NAA40: variants seen among roughly 807,000 people sequenced by gnomAD.
NAA40 encodes N-alpha-acetyltransferase 40, NatD catalytic subunit.
In NAA40, 26 loss-of-function variants were observed where a neutral mutation model predicts 36.6. That is an observed-to-expected ratio of 0.71 (90% CI 0.52 to 0.98). The LOEUF (loss-of-function observed/expected upper bound fraction) is 0.98, where lower values mean the gene tolerates loss of function less well. Among genes scored for constraint, NAA40 ranks in the 50% least tolerant of loss-of-function variants. The pLI, the probability that NAA40 is intolerant of heterozygous loss-of-function variation, is 0.00. For synonymous variants in NAA40, 129 were observed against 108.4 expected (o/e 1.19, Z -1.18); for missense variants, 237 against 306.5 (o/e 0.77, Z 1.69).
chr11:63,953,192 C>T (rs756440621), intron 6 of NAA40, among the ~76,000 whole-genome samples: 3 of 151,890 alleles, frequency 2.0e-5, no homozygotes, highest in South Asian at 2.1e-4. Context: ...GGATTACAGG[C>T]GCGCACTGCC....
At chr11:63,941,661 T>C (rs141704419) in intron 1 of NAA40, among the ~76,000 whole-genome samples, 2,480 of 152,204 alleles carry the variant, frequency 0.016, 68 homozygotes, top group African/African-American at 0.057. Flanking sequence ...CAAGTGATTC[T>C]CCTGCCTCAG....
intron 2 of NAA40, 155 bp from the exon 3 acceptor site, chr11:63,946,796 C>A (rs776274621): frequency 1.2e-4 from 188 of 1,550,352 alleles, no homozygotes; most frequent in Non-Finnish European, 1.6e-4. Flanking sequence ...CAGAGCTAGG[C>A]AAATGGTGGG....
At position 63,956,112 on chromosome 11, in the gene NAA40, C is replaced by T. The variant is rs1454679210; in HGVS notation, c.*1633C>T. 6.5e-6 allele frequency: 1 copy of T among 152,762 alleles called. No homozygotes were observed. Among genetic ancestry groups the T allele is most frequent in the Non-Finnish European group, 1.5e-5 (1 of 68,108 alleles). The allele number at this position is 152,762 out of a possible 1,614,324, so 9.5% of individuals were successfully genotyped here. A position where few individuals can be genotyped will look rare whatever the true frequency, so the allele number is the denominator to read the frequency against. ...CCCCTCTGCTGAGCACTTTGCGCTG[C>T]TCTTGATGGGCAGCAGTGGGACTGG... On this transcript the variant is annotated 3_prime_UTR_variant, in exon 8 of 8. Coordinates refer to ENST00000377793, the MANE Select transcript of NAA40 (RefSeq NM_024771.4).
At chr11:63,941,662 C>T (rs1942110970) in intron 1 of NAA40, among the ~76,000 whole-genome samples, 1 of 152,060 alleles carries the variant, frequency 6.6e-6, no homozygotes, top group South Asian at 2.1e-4. Flanking sequence ...AAGTGATTCT[C>T]CTGCCTCAGC....
At chr11:63,939,421 T>C in intron 1 of NAA40, 1 of 1,120,880 alleles carries the variant, frequency 8.9e-7, no homozygotes, top group Non-Finnish European at 1.1e-6. Context: ...AGCTTCCCGC[T>C]CCCCCAGGGT....
At chr11:63,953,065 T>TTTTTG (rs57573275) in intron 6 of NAA40, among the ~76,000 whole-genome samples, 1 of 150,542 alleles carries the variant, frequency 6.6e-6, no homozygotes. Flanking sequence ...TTTTTTTTTT[T>TTTTTG]GAGACAGAGT....
In NAA40 at chr11:63,939,006, G is replaced by A. The variant is rs1000931779; in HGVS notation, c.-91G>A. On this transcript the variant is annotated 5_prime_UTR_variant, in exon 1 of 8. Coordinates refer to ENST00000377793, the MANE Select transcript of NAA40 (RefSeq NM_024771.4). ...GCGCATGCGCGTTGCAGGGCCGTCCGCTCTGCTGCCGCCGCTGTTGCAGCC... is the reference window on the plus strand; with the variant it reads ...GCGCATGCGCGTTGCAGGGCCGTCCACTCTGCTGCCGCCGCTGTTGCAGCC... 63 of 1,128,188 alleles carry A rather than the reference G, an allele frequency of 5.6e-5. No individual in the cohort carries two copies. Among genetic ancestry groups the A allele is most frequent in the Non-Finnish European group, 7.5e-5 (59 of 788,756 alleles). 69.9% of individuals were successfully genotyped at this position (1,128,188 alleles called of 1,614,324 possible).
intron 1 of NAA40, among the ~76,000 whole-genome samples, chr11:63,941,093 C>T (rs1190150631): frequency 1.3e-5 from 2 of 152,222 alleles, no homozygotes; most frequent in African/African-American, 2.4e-5. Context: ...AGAGATTCTG[C>T]GATCCTTGCT....
rs1942344364 is a variant in NAA40 at position 63,955,185 on chromosome 11, G to A, written c.*706G>A. On this transcript the variant is annotated 3_prime_UTR_variant, in exon 8 of 8. Coordinates refer to ENST00000377793, the MANE Select transcript of NAA40 (RefSeq NM_024771.4). ...AGGTGTTCTTGGGACCCGCCATGGGGATGATTGCTTCTCTAGGCTCCTGGA... is the reference window on the plus strand; with the variant it reads ...AGGTGTTCTTGGGACCCGCCATGGGAATGATTGCTTCTCTAGGCTCCTGGA... The A allele has an allele frequency of 6.6e-6, 1 of 152,596 alleles. No individual in the cohort carries two copies. The highest frequency in any genetic ancestry group is 2.4e-5 in the African/African-American group (1 of 41,430). The allele number at this position is 152,596 out of a possible 1,614,324, so 9.5% of individuals were successfully genotyped here.
chr11:63,947,030 G>C, intron 3 of NAA40, 27 bp downstream of exon 3: 1 of 1,603,604 alleles, frequency 6.2e-7, no homozygotes, highest in Non-Finnish European at 8.5e-7. Context: ...ATTACCAACT[G>C]CTGTCTCCTC....
chr11:63,944,457 C>G (rs1942154842), intron 1 of NAA40, among the ~76,000 whole-genome samples: 1 of 152,142 alleles, frequency 6.6e-6, no homozygotes, highest in Non-Finnish European at 1.5e-5. Flanking sequence ...TGCCTGTGCT[C>G]TCTTGTTGTC....
At chr11:63,951,414 G>C (rs1222871474) in intron 3 of NAA40, among the ~76,000 whole-genome samples, 1 of 152,114 alleles carries the variant, frequency 6.6e-6, no homozygotes, top group East Asian at 1.9e-4. Flanking sequence ...CACGATCTTG[G>C]CTCACTGCAA....
rs1942350267 is a variant in NAA40 at position 63,955,546 on chromosome 11, C to A, written c.*1067C>A. ...GAGAGCCCCCAGCCAGCAGCAGGCC[C>A]CTCTGCCTGCACTCCTCAGGCTTGC... On this transcript the variant is annotated 3_prime_UTR_variant, in exon 8 of 8. Transcript: ENST00000377793. 6.5e-6 allele frequency: 1 copy of A among 152,798 alleles called. No homozygotes were observed. The highest frequency in any genetic ancestry group is 1.5e-5 in the Non-Finnish European group (1 of 68,120). The allele number at this position is 152,798 out of a possible 1,614,324, so 9.5% of individuals were successfully genotyped here.
At chr11:63,940,310 A>G (rs761556813) in intron 1 of NAA40, among the ~76,000 whole-genome samples, 8 of 152,102 alleles carry the variant, frequency 5.3e-5, no homozygotes, top group Non-Finnish European at 1.0e-4. Context: ...AGGCCTCCCA[A>G]AGTGCTGGGA....
intron 2 of NAA40, chr11:63,946,699 A>G: frequency 2.7e-6 from 4 of 1,499,032 alleles, no homozygotes; most frequent in Non-Finnish European, 3.6e-6. Flanking sequence ...CCCACAGGCT[A>G]ATGAGGTCTC....
Position 63,952,582 on chromosome 11 carries a change from G to C in NAA40, c.410+17G>C. ...CCTGTACTGGTAGGAGCCATGGCTT[G>C]GGGGAGGTAGGGGAGAGAGACCCTG... On this transcript the variant is annotated intron_variant, in intron 5 of 7. Coordinates refer to ENST00000377793, the MANE Select transcript of NAA40 (RefSeq NM_024771.4). 6.2e-7 allele frequency: 1 copy of C among 1,611,694 alleles called. No homozygotes were observed. The highest frequency in any genetic ancestry group is 8.5e-7 in the Non-Finnish European group (1 of 1,177,888).
rs981267309 is a variant in NAA40 at position 63,952,979 on chromosome 11, C to T, written c.494+140C>T. On this transcript the variant is annotated intron_variant, in intron 6 of 7. Coordinates refer to ENST00000377793, the MANE Select transcript of NAA40 (RefSeq NM_024771.4). ...GGAGAAAGGTGTCTTAGAACCCTCT[C>T]AGTAAGATGCTCCCTGCCTTATTAT... The T allele has an allele frequency of 4.5e-5, 26 of 577,588 alleles. No homozygotes were observed. The African/African-American group carries it at 5.0e-4, about 11-fold the overall frequency. 35.8% of individuals were successfully genotyped at this position (577,588 alleles called of 1,614,324 possible). A position where few individuals can be genotyped will look rare whatever the true frequency, so the allele number is the denominator to read the frequency against.
intron 3 of NAA40, among the ~76,000 whole-genome samples, chr11:63,948,266 C>T (rs1293614106): frequency 6.6e-6 from 1 of 152,202 alleles, no homozygotes; most frequent in Non-Finnish European, 1.5e-5. Context: ...AACTGAGGCC[C>T]AGAGAGTCAA....
chr11:63,949,146 A>C (rs76454291), intron 3 of NAA40, among the ~76,000 whole-genome samples: 1 of 152,302 alleles, frequency 6.6e-6, no homozygotes, highest in Non-Finnish European at 1.5e-5. Flanking sequence ...TGGTAGCAGC[A>C]TTGCACTCTA....
Sources: allele counts gnomAD v4.1 joint callset (sites outside exome capture counted in the v4.1 genomes callset), GRCh38; gene constraint gnomAD v4.1.1; transcripts MANE v1.5; gene names NCBI Gene and HGNC (gene_info 2026-07-23, HGNC 2026-07-21).